Variants in GTF3C1 observed in about 807,000 individuals in gnomAD.
GTF3C1 encodes general transcription factor 3C polypeptide 1.
A neutral mutation model predicts 226.7 loss-of-function variants in GTF3C1; 57 were observed. The ratio of observed to expected loss-of-function variants is 0.25; its 90% CI spans 0.20 to 0.31. GTF3C1 has a LOEUF of 0.31. Among genes scored for constraint, GTF3C1 ranks in the 10% least tolerant of loss-of-function variants. The pLI, the probability that GTF3C1 is intolerant of heterozygous loss-of-function variation, is 1.00. For missense variants in GTF3C1, 2,217 were observed against 2,776.1 expected (o/e 0.80, Z 4.53); for synonymous variants, 1,090 against 1,084.8 (o/e 1.00, Z -0.09).
At chr16:27,520,567 A>T (rs1264629277) in intron 6 of GTF3C1, among the ~76,000 whole-genome samples, 2 of 152,222 alleles carry the variant, frequency 1.3e-5, no homozygotes, top group African/African-American at 2.4e-5. Flanking sequence ...TTTTCTCACT[A>T]ATTGTACAAG....
intron 10 of GTF3C1, among the ~76,000 whole-genome samples, chr16:27,505,613 T>A (rs2088472083): frequency 1.3e-5 from 2 of 152,234 alleles, no homozygotes; most frequent in African/African-American, 4.8e-5. Flanking sequence ...AAATTAGGCA[T>A]ACAGGTTTCC....
Position 27,468,072 on chromosome 16 carries a change from T to C in GTF3C1, c.5074+1219A>G, listed in dbSNP as rs537251205. ...TGGAAGAAATTTATTCCCACTCTCA[T>C]GGATGACTTTGAGGGGTTCAAGTCT... On this transcript the variant is annotated intron_variant, in intron 32 of 36. Transcript: ENST00000356183. Among the ~76,000 whole-genome samples, 7 of 152,094 alleles carry C rather than the reference T, an allele frequency of 4.6e-5. No individual in the cohort carries two copies. In the East Asian group the frequency reaches 9.6e-4, roughly 21 times the overall value.
intron 6 of GTF3C1, among the ~76,000 whole-genome samples, chr16:27,515,347 G>A (rs1486368715): frequency 1.3e-5 from 2 of 151,982 alleles, no homozygotes; most frequent in African/African-American, 4.8e-5. Context: ...TACTCGGAAG[G>A]CTGAAGCAGG....
chr16:27,543,974 T>C (rs531812900), intron 2 of GTF3C1, among the ~76,000 whole-genome samples: 1 of 152,154 alleles, frequency 6.6e-6, no homozygotes, highest in South Asian at 2.1e-4. Context: ...GGGTGATTCA[T>C]CTAAGAAGCG....
At chr16:27,490,163 C>T (rs2141376996) in intron 19 of GTF3C1, among the ~76,000 whole-genome samples, 1 of 152,252 alleles carries the variant, frequency 6.6e-6, no homozygotes, top group African/African-American at 2.4e-5. Flanking sequence ...ACGGAGGGGC[C>T]TGTACAGACA....
intron 6 of GTF3C1, among the ~76,000 whole-genome samples, chr16:27,514,965 T>C (rs1210688817): frequency 2.0e-5 from 3 of 152,218 alleles, no homozygotes; most frequent in African/African-American, 7.2e-5. Flanking sequence ...GAGTCAGACC[T>C]GAGGCGCCCT....
At chr16:27,523,261 G>A (rs2088778736) in intron 6 of GTF3C1, among the ~76,000 whole-genome samples, 1 of 152,028 alleles carries the variant, frequency 6.6e-6, no homozygotes, top group Non-Finnish European at 1.5e-5. Flanking sequence ...CAGTTCAGGG[G>A]GGCTGTTTAC....
At chr16:27,494,062 T>C (rs917676046) in intron 16 of GTF3C1, among the ~76,000 whole-genome samples, 3 of 152,128 alleles carry the variant, frequency 2.0e-5, no homozygotes, top group African/African-American at 7.2e-5. Context: ...GATACAGTTA[T>C]GGGTAATTTC....
At chr16:27,542,118 A>G (rs1483998417) in intron 2 of GTF3C1, among the ~76,000 whole-genome samples, 1 of 152,362 alleles carries the variant, frequency 6.6e-6, no homozygotes, top group Non-Finnish European at 1.5e-5. Flanking sequence ...GTCAGGGTAC[A>G]TCCCATCACA....
In GTF3C1 at chr16:27,471,446, C is replaced by T; in HGVS notation, c.4526+302G>A. 3.0e-6 allele frequency: 1 copy of T among 335,012 alleles called. No individual in the cohort carries two copies. Among genetic ancestry groups the T allele is most frequent in the Non-Finnish European group, 5.6e-6 (1 of 177,514 alleles). 20.8% of individuals were successfully genotyped at this position (335,012 alleles called of 1,614,324 possible). On this transcript the variant is annotated intron_variant, in intron 30 of 36. Transcript: ENST00000356183. The surrounding 1 kb of genome is among the most constrained non-coding windows in gnomAD (Gnocchi z 5.0). ...GGCTATGCTGGAACAGGAGGGTGGACTTCCAGCCAGGCCAATTATTAAATG... is the reference window on the plus strand; with the variant it reads ...GGCTATGCTGGAACAGGAGGGTGGATTTCCAGCCAGGCCAATTATTAAATG...
At position 27,495,264 on chromosome 16, in the gene GTF3C1, C is replaced by T; in HGVS notation, c.2579G>A (p.Gly860Asp). 1 of 1,613,386 alleles carries T rather than the reference C, an allele frequency of 6.2e-7. No homozygotes were observed. The highest frequency in any genetic ancestry group is 8.5e-7 in the Non-Finnish European group (1 of 1,179,560). ...CTCCCAGGTGACACCATCTTGGCTGCCTTTAGATGGGGCTTCAGAGCAGGC... is the reference window on the plus strand; with the variant it reads ...CTCCCAGGTGACACCATCTTGGCTGTCTTTAGATGGGGCTTCAGAGCAGGC... ...WEACSEAPSKGSQDGVTWEAE... is the reference protein window; with the variant it reads ...WEACSEAPSKDSQDGVTWEAE... The change falls in exon 15 of 37, where the codon GGC (glycine) becomes GAC (aspartate). Residue 860 changes from glycine to aspartate, a missense_variant. Gly to Asp is a moderately conservative substitution (Grantham distance 94). Coordinates refer to ENST00000356183, the MANE Select transcript of GTF3C1 (RefSeq NM_001520.4).
intron 6 of GTF3C1, among the ~76,000 whole-genome samples, chr16:27,526,983 T>C (rs996841792): frequency 1.3e-5 from 2 of 152,140 alleles, no homozygotes; most frequent in African/African-American, 2.4e-5. Context: ...AGGCAGGAGA[T>C]CACTTGAGCC....
intron 24 of GTF3C1, among the ~76,000 whole-genome samples, chr16:27,484,736 G>C (rs181357696): frequency 6.6e-6 from 1 of 152,200 alleles, no homozygotes; most frequent in African/African-American, 2.4e-5. Flanking sequence ...GCTCAGAAAC[G>C]TTCTGTATGT....
At chr16:27,501,450 A>G in intron 11 of GTF3C1, 106 bp from the exon 12 acceptor site, 1 of 1,029,666 alleles carries the variant, frequency 9.7e-7, no homozygotes, top group South Asian at 1.4e-5. Context: ...AGAAACAAGG[A>G]AGGATCAAAC....
intron 1 of GTF3C1, among the ~76,000 whole-genome samples, chr16:27,548,005 T>G (rs746749340): frequency 1.3e-5 from 2 of 152,202 alleles, no homozygotes; most frequent in Admixed American, 6.5e-5. Context: ...CCCTTGCTAG[T>G]TGACTTTTAG....
At chr16:27,509,422 G>A (rs2088538296) in intron 7 of GTF3C1, among the ~76,000 whole-genome samples, 3 of 152,186 alleles carry the variant, frequency 2.0e-5, no homozygotes. Context: ...CACATGAGCC[G>A]CAAGGCAGAC....
At position 27,507,882 on chromosome 16, in the gene GTF3C1, G is replaced by A. The variant is rs1272936789; in HGVS notation, c.1242+658C>T. Among the ~76,000 whole-genome samples the A allele has an allele frequency of 6.6e-6, 1 of 152,262 alleles. No homozygotes were observed. The highest frequency in any genetic ancestry group is 1.5e-5 in the Non-Finnish European group (1 of 68,054). On this transcript the variant is annotated intron_variant, in intron 8 of 36. Transcript: ENST00000356183. The surrounding 1 kb of genome is among the most constrained non-coding windows in gnomAD (Gnocchi z 4.9). The stretch of plus-strand genomic sequence containing the variant: ...AGGCAAGTAACATGCATAAGAAGGA[G>A]GGCCAAGTGGGGATGGTGGAACCCT...
Position 27,463,911 on chromosome 16 carries a change from C to A in GTF3C1, c.5873-319G>T. 1 of 427,698 alleles carries A rather than the reference C, an allele frequency of 2.3e-6. No individual in the cohort carries two copies. Among genetic ancestry groups the A allele is most frequent in the Non-Finnish European group, 4.1e-6 (1 of 243,012 alleles). 26.5% of individuals were successfully genotyped at this position (427,698 alleles called of 1,614,324 possible). On this transcript the variant is annotated intron_variant, in intron 34 of 36. Transcript: ENST00000356183. The surrounding 1 kb of genome is among the most constrained non-coding windows in gnomAD (Gnocchi z 4.9). ...GGTGGTATAAAACCCGAGGCAAAAA[C>A]ACCCCAAAGAAAACAAAAACGCCCA... is the stretch of plus-strand genomic sequence containing the variant.
chr16:27,488,537 A>G lies in GTF3C1; in HGVS notation c.3511+17T>C. The G allele has an allele frequency of 1.9e-6, 3 of 1,607,252 alleles. No individual in the cohort carries two copies. Among genetic ancestry groups the G allele is most frequent in the South Asian group, 1.1e-5 (1 of 90,924 alleles). ...GGTACCATATTAACTTCTGGGGTGA[A>G]CTCCCAGCACACGTACCTCTGGCAC... On this transcript the variant is annotated intron_variant, in intron 22 of 36. Transcript: ENST00000356183.
Sources: allele counts gnomAD v4.1 joint callset (sites outside exome capture counted in the v4.1 genomes callset), GRCh38; gene constraint gnomAD v4.1.1; non-coding constraint Gnocchi (gnomAD v3.1); transcripts MANE v1.5; gene names NCBI Gene and HGNC (gene_info 2026-07-23, HGNC 2026-07-21).